QTMAN: variants seen among roughly 807,000 people sequenced by gnomAD.
QTMAN encodes the protein queuosine-tRNA mannosyltransferase, also known as tRNA-queuosine alpha-mannosyltransferase.
chr2:144,291,682 T>C, the QTMAN span, among the ~76,000 whole-genome samples: 1 of 152,220 alleles, frequency 6.6e-6, no homozygotes, highest in African/African-American at 2.4e-5. Context: ...ACATCATTTT[T>C]CTACCACATA....
At chr2:144,046,801 A>AT in the QTMAN span, among the ~76,000 whole-genome samples, 3 of 152,268 alleles carry the variant, frequency 2.0e-5, no homozygotes, top group African/African-American at 4.8e-5. Flanking sequence ...TTCCAGCATT[A>AT]TTTTTTGTCA....
At chr2:144,012,077 C>T in the QTMAN span, among the ~76,000 whole-genome samples, 2 of 152,028 alleles carry the variant, frequency 1.3e-5, no homozygotes, top group Non-Finnish European at 2.9e-5. Flanking sequence ...GGGATCTCCA[C>T]CCCCAACTCC....
the QTMAN span, among the ~76,000 whole-genome samples, chr2:144,286,423 T>C: frequency 2.6e-5 from 4 of 152,242 alleles, no homozygotes; most frequent in African/African-American, 9.6e-5. Context: ...GCAATTATCC[T>C]CCTTGTAAAT....
the QTMAN span, among the ~76,000 whole-genome samples, chr2:144,214,022 G>T: frequency 6.6e-6 from 1 of 152,090 alleles, no homozygotes; most frequent in Non-Finnish European, 1.5e-5. Context: ...TTATTTTAAT[G>T]ATTCATCACG....
At chr2:144,061,622 G>T in the QTMAN span, among the ~76,000 whole-genome samples, 1 of 152,166 alleles carries the variant, frequency 6.6e-6, no homozygotes, top group African/African-American at 2.4e-5. Flanking sequence ...AAAGTAAATT[G>T]TATGAAGTAG....
At chr2:144,008,948 G>C in the QTMAN span, among the ~76,000 whole-genome samples, 12 of 151,946 alleles carry the variant, frequency 7.9e-5, no homozygotes, top group Non-Finnish European at 1.6e-4. Flanking sequence ...GAGAGAGGCA[G>C]AGAAAAGGAG....
chr2:144,314,925 G>T, the QTMAN span, among the ~76,000 whole-genome samples: 2 of 152,040 alleles, frequency 1.3e-5, no homozygotes, highest in African/African-American at 2.4e-5. Context: ...TTGCTCTGTC[G>T]CCTAGGCTGG....
the QTMAN span, among the ~76,000 whole-genome samples, chr2:144,159,307 GA>G: frequency 3.4e-3 from 512 of 151,892 alleles, 4 homozygotes; most frequent in Middle Eastern, 0.017. Context: ...ATGTTATCAA[GA>G]AAAAAAATAG....
chr2:143,957,130 C>G, the QTMAN span: 3 of 1,250,650 alleles, frequency 2.4e-6, no homozygotes, highest in Admixed American at 7.7e-5. Flanking sequence ...GAAATAACAG[C>G]GAACACACAT....
chr2:144,277,580 C>CTTAT, the QTMAN span, among the ~76,000 whole-genome samples: 1 of 152,094 alleles, frequency 6.6e-6, no homozygotes, highest in Non-Finnish European at 1.5e-5. Flanking sequence ...AATTTATATA[C>CTTAT]TATAAGCTAA....
the QTMAN span, among the ~76,000 whole-genome samples, chr2:144,059,391 G>A: frequency 5.3e-5 from 8 of 152,274 alleles, no homozygotes; most frequent in South Asian, 2.1e-4. Context: ...AATCATTAAG[G>A]ATAGGAAAAG....
chr2:144,131,906 T>C, the QTMAN span, among the ~76,000 whole-genome samples: 2 of 151,854 alleles, frequency 1.3e-5, no homozygotes, highest in Non-Finnish European at 2.9e-5. Context: ...GTAATGTACA[T>C]AAAGTGTGTG....
chr2:144,016,482 C>T, the QTMAN span, among the ~76,000 whole-genome samples: 1 of 152,142 alleles, frequency 6.6e-6, no homozygotes, highest in Admixed American at 6.5e-5. Context: ...ATAGCTGTTT[C>T]CCACGTACAT....
At chr2:144,232,956 T>A in the QTMAN span, among the ~76,000 whole-genome samples, 1 of 152,212 alleles carries the variant, frequency 6.6e-6, no homozygotes, top group Non-Finnish European at 1.5e-5. Context: ...CTTGCATTTT[T>A]TATTTCAAAG....
chr2:144,208,803 T>A, the QTMAN span: 5 of 1,522,264 alleles, frequency 3.3e-6, no homozygotes, highest in Non-Finnish European at 4.4e-6. Flanking sequence ...AACCTTCAGA[T>A]CCTAAATAAC....
chr2:144,272,470 C>T, the QTMAN span, among the ~76,000 whole-genome samples: 2 of 152,260 alleles, frequency 1.3e-5, no homozygotes, highest in East Asian at 3.9e-4. Flanking sequence ...ACAAATAACA[C>T]TATGCATGAG....
chr2:144,175,190 A>C, the QTMAN span, among the ~76,000 whole-genome samples: 1 of 152,218 alleles, frequency 6.6e-6, no homozygotes, highest in Non-Finnish European at 1.5e-5. Context: ...AATGTTGATT[A>C]AAATAAGATG....
chr2:144,126,160 G>T, the QTMAN span, among the ~76,000 whole-genome samples: 1 of 151,906 alleles, frequency 6.6e-6, no homozygotes, highest in Non-Finnish European at 1.5e-5. Context: ...ACTGAAAATG[G>T]TGTCATGATG....
chr2:144,258,531 GT>G, the QTMAN span, among the ~76,000 whole-genome samples: 2 of 152,148 alleles, frequency 1.3e-5, no homozygotes, highest in Non-Finnish European at 2.9e-5. Context: ...GTCTTTCAGA[GT>G]TGTAAGGCAA....
Sources: gnomAD v4.1 joint callset for allele counts (sites outside exome capture counted in the v4.1 genomes callset) on GRCh38, gnomAD v4.1.1 for gene constraint, MANE v1.5 for transcripts, NCBI Gene and HGNC (gene_info 2026-07-23, HGNC 2026-07-21) for gene names.